Variants in DNAH6 observed in about 807,000 individuals in gnomAD.
DNAH6 encodes axonemal beta dynein heavy chain 6.
In DNAH6, 340 loss-of-function variants were observed where a neutral mutation model predicts 491.4. That is an observed-to-expected ratio of 0.69 (90% CI 0.63 to 0.76). DNAH6 has a LOEUF of 0.76. DNAH6 is among the 30% of genes least tolerant of loss of function. DNAH6 has a pLI of 0.00. For synonymous variants in DNAH6, 1,603 were observed against 1,686.1 expected, an observed-to-expected ratio of 0.95 and a Z score of 1.21; for missense variants, 4,443 against 4,972.2, an observed-to-expected ratio of 0.89 and a Z score of 3.20.
intron 64 of DNAH6, among the ~76,000 whole-genome samples, chr2:84,771,958 T>C (rs895072026): frequency 6.6e-6 from 1 of 152,350 alleles, no homozygotes; most frequent in East Asian, 1.9e-4. Flanking sequence ...TGGCTTATAA[T>C]TTCTCTTTTC....
At chr2:84,540,312 A>G (rs1156275817) in intron 4 of DNAH6, among the ~76,000 whole-genome samples, 1 of 152,152 alleles carries the variant, frequency 6.6e-6, no homozygotes, top group Non-Finnish European at 1.5e-5. Context: ...GAGTGCCACA[A>G]ATACCTGGGA....
At chr2:84,777,340 C>A (rs1476501259) in intron 64 of DNAH6, 10 of 350,572 alleles carry the variant, frequency 2.9e-5, no homozygotes, top group Non-Finnish European at 5.1e-5. Context: ...GAGTCAGACT[C>A]ACCTTCACAA....
At chr2:84,784,020 C>G (rs1268830154) in intron 65 of DNAH6, among the ~76,000 whole-genome samples, 1 of 152,106 alleles carries the variant, frequency 6.6e-6, no homozygotes, top group Admixed American at 6.6e-5. Flanking sequence ...AGTGAGGGAG[C>G]CAGCCTAGCA....
At chr2:84,572,678 G>C (rs1682015032) in intron 11 of DNAH6, among the ~76,000 whole-genome samples, 1 of 152,144 alleles carries the variant, frequency 6.6e-6, no homozygotes, top group Non-Finnish European at 1.5e-5. Context: ...CCTAGCATTG[G>C]TGTGTTGGAT....
chr2:84,474,618 T>C, the DNAH6 span, among the ~76,000 whole-genome samples: 1 of 152,212 alleles, frequency 6.6e-6, no homozygotes. Flanking sequence ...CATCCCATTG[T>C]GTTGCAATAA....
intron 16 of DNAH6, among the ~76,000 whole-genome samples, chr2:84,591,106 T>C (rs149377467): frequency 6.0e-4 from 92 of 152,322 alleles, no homozygotes; most frequent in African/African-American, 2.0e-3. Flanking sequence ...ATGTGATACA[T>C]TATCAGGGGA....
chr2:84,786,365 G>C (rs1454849996), intron 67 of DNAH6, among the ~76,000 whole-genome samples: 1 of 145,532 alleles, frequency 6.9e-6, no homozygotes, highest in African/African-American at 2.5e-5. Flanking sequence ...GGTCAAGGCT[G>C]AATGAACAGT....
chr2:84,624,241 C>G, intron 26 of DNAH6, 24 bp from the exon 27 acceptor site: 1 of 1,523,530 alleles, frequency 6.6e-7, no homozygotes, highest in South Asian at 1.3e-5. Context: ...GAAAATTCAC[C>G]ATGACAATTT....
chr2:84,669,571 A>G lies in DNAH6; in HGVS notation c.6306+61A>G, dbSNP rs1194698981. 1.3e-5 allele frequency: 18 copies of G among 1,347,754 alleles called. No individual in the cohort carries two copies. In the East Asian group the frequency reaches 4.3e-4, roughly 32 times the overall value. The allele number at this position is 1,347,754 out of a possible 1,614,324, so 83.5% of individuals were successfully genotyped here. A position where few individuals can be genotyped will look rare whatever the true frequency, so the allele number is the denominator to read the frequency against. ...AATGTGAGGGCATGATGGACTTAGAATCGTTAGCACCAGAAGTAATATTAT... is the reference window on the plus strand; with the variant it reads ...AATGTGAGGGCATGATGGACTTAGAGTCGTTAGCACCAGAAGTAATATTAT... On this transcript the variant is annotated intron_variant, in intron 38 of 76. Transcript: ENST00000389394.
intron 69 of DNAH6, 65 bp from the exon 70 acceptor site, chr2:84,797,472 T>C: frequency 6.7e-7 from 1 of 1,483,252 alleles, no homozygotes; most frequent in South Asian, 1.3e-5. Context: ...CAAAGAAAAA[T>C]CAAACTTGGC....
chr2:84,641,052 T>C (rs143975235), intron 32 of DNAH6, among the ~76,000 whole-genome samples: 117 of 152,324 alleles, frequency 7.7e-4, no homozygotes, highest in African/African-American at 2.7e-3. Flanking sequence ...TCTGTCTTTA[T>C]AACGTGGCCC....
At position 84,653,565 on chromosome 2, in the gene DNAH6, A is replaced by G; in HGVS notation, c.5325A>G (p.Lys1775=). 1 of 1,551,352 alleles carries G rather than the reference A, an allele frequency of 6.4e-7. No homozygotes were observed. The highest frequency in any genetic ancestry group is 8.7e-7 in the Non-Finnish European group (1 of 1,146,732). ...CAGAAACTTTAGGGAATTTACAAAA[A>G]CTTGGGATAGAAAATTCCTTTTACC... ...ILAETLGNLQ[K]LGIENSFYQA... Residue 1775 remains lysine, a synonymous_variant, in exon 34 of 77, where the codon AAA becomes AAG. Coordinates refer to ENST00000389394, the MANE Select transcript of DNAH6 (RefSeq NM_001370.2).
At chr2:84,716,832 A>G (rs910543893) in intron 58 of DNAH6, among the ~76,000 whole-genome samples, 2 of 152,164 alleles carry the variant, frequency 1.3e-5, no homozygotes, top group African/African-American at 2.4e-5. Context: ...GATTGATGGC[A>G]TTGAAAAGGG....
At chr2:84,620,454 G>A (rs1419750151) in intron 24 of DNAH6, among the ~76,000 whole-genome samples, 3 of 152,262 alleles carry the variant, frequency 2.0e-5, no homozygotes, top group South Asian at 4.1e-4. Flanking sequence ...AGCATACTGT[G>A]AGGAACCAAG....
At chr2:84,479,605 C>A in the DNAH6 span, among the ~76,000 whole-genome samples, 1 of 152,068 alleles carries the variant, frequency 6.6e-6, no homozygotes. Flanking sequence ...TCCCTGAGAC[C>A]CTGAATGTAG....
chr2:84,488,502 A>G, the DNAH6 span, among the ~76,000 whole-genome samples: 1 of 152,134 alleles, frequency 6.6e-6, no homozygotes, highest in African/African-American at 2.4e-5. Flanking sequence ...CTAGGAGTGA[A>G]TCTTTATTTT....
At chr2:84,512,069 T>A (rs1396496343), upstream of DNAH6, among the ~76,000 whole-genome samples, 1 of 152,152 alleles carries the variant, frequency 6.6e-6, no homozygotes, top group Non-Finnish European at 1.5e-5. Flanking sequence ...GTGTTTTCTG[T>A]TTTTTTGGGG....
chr2:84,795,738 G>A (rs1225749051), intron 68 of DNAH6, among the ~76,000 whole-genome samples: 1 of 152,210 alleles, frequency 6.6e-6, no homozygotes, highest in Non-Finnish European at 1.5e-5. Context: ...GGGGCACATG[G>A]AAAGTAGCTT....
intron 9 of DNAH6, 85 bp from the exon 10 acceptor site, chr2:84,552,833 T>C (rs1296802271): frequency 3.1e-6 from 2 of 635,630 alleles, no homozygotes; most frequent in African/African-American, 3.8e-5. Flanking sequence ...TATATAAACT[T>C]CAGTTTACAT....
Sources: gnomAD v4.1 joint callset for allele counts (sites outside exome capture counted in the v4.1 genomes callset) on GRCh38, gnomAD v4.1.1 for gene constraint, MANE v1.5 for transcripts, NCBI Gene and HGNC (gene_info 2026-07-23, HGNC 2026-07-21) for gene names.